Variants in GABRB1 observed in about 807,000 individuals in gnomAD.
GABRB1 encodes the protein gamma-aminobutyric acid type A receptor subunit beta1.
Under a neutral mutation model 51.6 loss-of-function variants are expected in GABRB1, and 17 were observed. The ratio of observed to expected loss-of-function variants is 0.33; its 90% CI spans 0.23 to 0.49. The LOEUF is 0.49. GABRB1 is among the 20% of genes least tolerant of loss of function. The pLI is 0.99. For missense variants in GABRB1, 410 were observed against 600.6 expected (o/e 0.68, Z 3.32); for synonymous variants, 247 against 218.9 (o/e 1.13, Z -1.14).
chr4:47,280,798 C>T (rs1723263760), intron 4 of GABRB1, among the ~76,000 whole-genome samples: 1 of 151,008 alleles, frequency 6.6e-6, no homozygotes, highest in Non-Finnish European at 1.5e-5. Context: ...CAGGTGTGTG[C>T]CACCATGTCT....
intron 3 of GABRB1, among the ~76,000 whole-genome samples, chr4:47,153,779 G>A (rs1717565806): frequency 6.6e-6 from 1 of 151,966 alleles, no homozygotes; most frequent in Non-Finnish European, 1.5e-5. Context: ...CAGAACACAA[G>A]ACTAACAAAA....
At chr4:47,102,770 G>A (rs764073412) in intron 3 of GABRB1, among the ~76,000 whole-genome samples, 2 of 151,960 alleles carry the variant, frequency 1.3e-5, no homozygotes, top group Non-Finnish European at 2.9e-5. Context: ...AAGCATCAGA[G>A]TAGGATAGTC....
chr4:47,018,648 T>C (rs1724818653), intron 1 of GABRB1, among the ~76,000 whole-genome samples: 1 of 152,180 alleles, frequency 6.6e-6, no homozygotes. Flanking sequence ...ATTTTATATA[T>C]GACATGCATT....
At chr4:47,415,455 C>A (rs1024798366) in intron 8 of GABRB1, among the ~76,000 whole-genome samples, 1 of 151,924 alleles carries the variant, frequency 6.6e-6, no homozygotes, top group African/African-American at 2.4e-5. Flanking sequence ...TTTCTTATAC[C>A]CCATAGTTAT....
At chr4:47,205,075 G>A (rs974447609) in intron 4 of GABRB1, among the ~76,000 whole-genome samples, 1 of 152,080 alleles carries the variant, frequency 6.6e-6, no homozygotes, top group Admixed American at 6.6e-5. Flanking sequence ...TACATGTATA[G>A]AGTCACACAG....
At chr4:47,030,634 A>G (rs1725258672), upstream of GABRB1, among the ~76,000 whole-genome samples, 2 of 152,216 alleles carry the variant, frequency 1.3e-5, no homozygotes, top group Admixed American at 1.3e-4. Context: ...CTTCTGCCTA[A>G]CATGTGCTCA....
At chr4:47,295,394 A>G (rs1723934919) in intron 4 of GABRB1, among the ~76,000 whole-genome samples, 1 of 152,234 alleles carries the variant, frequency 6.6e-6, no homozygotes, top group Non-Finnish European at 1.5e-5. Context: ...TAGAATAACC[A>G]ATACAGAGAA....
intron 3 of GABRB1, among the ~76,000 whole-genome samples, chr4:47,071,154 G>A (rs1288276713): frequency 1.3e-5 from 2 of 152,044 alleles, no homozygotes; most frequent in East Asian, 1.9e-4. Flanking sequence ...ACTTCTAAAC[G>A]CTTTGCCTTC....
At chr4:47,344,548 C>T (rs183781674) in intron 5 of GABRB1, among the ~76,000 whole-genome samples, 100 of 152,256 alleles carry the variant, frequency 6.6e-4, no homozygotes, top group Non-Finnish European at 1.3e-3. Flanking sequence ...ATCAAACTTA[C>T]TGAATCTTTT....
intron 5 of GABRB1, among the ~76,000 whole-genome samples, chr4:47,336,707 C>G (rs1232418885): frequency 6.6e-6 from 1 of 152,154 alleles, no homozygotes; most frequent in African/African-American, 2.4e-5. Context: ...TGGATGACAA[C>G]TGATAACTGA....
At chr4:47,203,286 AT>A (rs776737043) in intron 4 of GABRB1, among the ~76,000 whole-genome samples, 1 of 152,136 alleles carries the variant, frequency 6.6e-6, no homozygotes, top group Non-Finnish European at 1.5e-5. Flanking sequence ...TCAATAAACA[AT>A]TTCTGTGATT....
chr4:47,214,603 A>G (rs532234829), intron 4 of GABRB1, among the ~76,000 whole-genome samples: 1 of 152,304 alleles, frequency 6.6e-6, no homozygotes, highest in African/African-American at 2.4e-5. Flanking sequence ...AAATACCAAT[A>G]ATTTCTCATA....
At chr4:47,004,217 T>C (rs144968580) in intron 1 of GABRB1, among the ~76,000 whole-genome samples, 4,488 of 152,166 alleles carry the variant, frequency 0.029, 293 homozygotes, top group East Asian at 0.14. Context: ...TCGATCTCCT[T>C]ACCTTGTGAT....
chr4:47,410,629 G>C (rs950847538), intron 8 of GABRB1, among the ~76,000 whole-genome samples: 1 of 152,138 alleles, frequency 6.6e-6, no homozygotes, highest in African/African-American at 2.4e-5. Flanking sequence ...AACTTCCCCA[G>C]CTTGATCCCT....
At chr4:47,118,854 T>C (rs895793287) in intron 3 of GABRB1, among the ~76,000 whole-genome samples, 3 of 152,190 alleles carry the variant, frequency 2.0e-5, no homozygotes, top group Non-Finnish European at 4.4e-5. Flanking sequence ...AAACATCTGC[T>C]TCTAATATTA....
intron 4 of GABRB1, among the ~76,000 whole-genome samples, chr4:47,246,082 C>T (rs1452312340): frequency 6.7e-6 from 1 of 149,402 alleles, no homozygotes; most frequent in South Asian, 2.1e-4. Flanking sequence ...TCTCCCCCCC[C>T]AAGTCCCCAC....
At chr4:47,356,732 G>C (rs567814252) in intron 5 of GABRB1, among the ~76,000 whole-genome samples, 1 of 152,076 alleles carries the variant, frequency 6.6e-6, no homozygotes, top group East Asian at 1.9e-4. Flanking sequence ...TATTCAGAAA[G>C]CTTCCATCCC....
In GABRB1 at chr4:47,031,950, G is replaced by A. The variant is rs553300116; in HGVS notation, c.117G>A (p.Glu39=). 44 of 1,613,856 alleles carry A rather than the reference G, an allele frequency of 2.7e-5. No homozygotes were observed. The highest frequency in any genetic ancestry group is 1.1e-4 in the South Asian group (10 of 91,062). Residue 39 remains glutamate (E), a synonymous_variant, in exon 2 of 9, where the codon GAG becomes GAA. Coordinates refer to ENST00000295454, the MANE Select transcript of GABRB1 (RefSeq NM_000812.4). ...CCAGCAACATGTCATACGTGAAAGAGACAGTGGACAGATTGCTCAAAGGAT... is the reference window on the plus strand; with the variant it reads ...CCAGCAACATGTCATACGTGAAAGAAACAGTGGACAGATTGCTCAAAGGAT... ...NEPSNMSYVK[E]TVDRLLKGYD...
At chr4:47,091,729 G>A (rs530188515) in intron 3 of GABRB1, among the ~76,000 whole-genome samples, 1 of 152,260 alleles carries the variant, frequency 6.6e-6, no homozygotes, top group South Asian at 2.1e-4. Context: ...TCCCTGCCTT[G>A]TAGTGGATTT....
Sources: allele counts gnomAD v4.1 joint callset (sites outside exome capture counted in the v4.1 genomes callset), GRCh38; gene constraint gnomAD v4.1.1; transcripts MANE v1.5; gene names NCBI Gene and HGNC (gene_info 2026-07-23, HGNC 2026-07-21).